Variants in DMD observed in about 807,000 individuals in gnomAD.
The protein encoded by DMD is dystrophin.
In DMD, 63 loss-of-function variants were observed where a neutral mutation model predicts 330.1. That is an observed-to-expected ratio of 0.19 (90% CI 0.16 to 0.24). The LOEUF is 0.24. Among genes scored for constraint, DMD ranks in the 10% least tolerant of loss-of-function variants. The pLI is 1.00. For missense variants in DMD, 3,344 were observed against 2,684.1 expected, an observed-to-expected ratio of 1.25 and a Z score of -5.43; for synonymous variants, 1,223 against 959.8, an observed-to-expected ratio of 1.27 and a Z score of -5.07.
At chrX:33,041,315 A>C in intron 1 of DMD, 1 of 1,074,198 alleles carries the variant, frequency 9.3e-7, no homozygotes, top group Non-Finnish European at 1.3e-6. Context: ...GACCAAGCCT[A>C]AATAGCTACC....
intron 7 of DMD, among the ~76,000 whole-genome samples, chrX:32,749,416 T>C (rs2070503159): frequency 8.9e-6 from 1 of 112,237 alleles, no homozygotes; most frequent in South Asian, 3.7e-4. Context: ...AATTCTTTCC[T>C]TTATGACTTT....
At chrX:32,483,940 G>T (rs1387626342) in intron 21 of DMD, among the ~76,000 whole-genome samples, 2 of 109,229 alleles carry the variant, frequency 1.8e-5, no homozygotes, top group Admixed American at 9.9e-5. Context: ...ATTAATTCTG[G>T]AAATGATATT....
chrX:31,222,073 G>A (rs1332193695), intron 64 of DMD, among the ~76,000 whole-genome samples: 2 of 110,927 alleles, frequency 1.8e-5, no homozygotes, highest in Non-Finnish European at 3.8e-5. Context: ...GTGGGTGCCT[G>A]TAGTCCCAGC....
intron 1 of DMD, among the ~76,000 whole-genome samples, chrX:33,234,088 A>G (rs2052435446): frequency 8.9e-6 from 1 of 111,852 alleles, no homozygotes. Context: ...GCTTCCTGTC[A>G]TTGCTCTATA....
chrX:32,463,315 T>C, intron 25 of DMD, 124 bp downstream of exon 25: 19 of 547,086 alleles, frequency 3.5e-5, no homozygotes, highest in Non-Finnish European at 5.2e-5. Flanking sequence ...TTGTCAGAAT[T>C]AATTGTGCTT....
intron 42 of DMD, among the ~76,000 whole-genome samples, chrX:32,297,630 C>T (rs745953066): frequency 1.8e-5 from 2 of 111,360 alleles, no homozygotes; most frequent in Admixed American, 9.6e-5. Context: ...GCAAAAGCCC[C>T]GCTCTCTGGA....
chrX:32,361,449 T>C (rs2097834043), intron 37 of DMD, among the ~76,000 whole-genome samples: 1 of 111,772 alleles, frequency 8.9e-6, no homozygotes, highest in East Asian at 2.8e-4. Flanking sequence ...ATAAGGTCTC[T>C]ATGTATGGAG....
At chrX:31,772,467 C>T (rs2090398476) in intron 51 of DMD, among the ~76,000 whole-genome samples, 1 of 111,902 alleles carries the variant, frequency 8.9e-6, no homozygotes, top group Admixed American at 9.5e-5. Flanking sequence ...TGTAAAAGAA[C>T]GTACCTCTTG....
intron 45 of DMD, among the ~76,000 whole-genome samples, chrX:31,934,965 TG>T (rs894002189): frequency 4.3e-4 from 48 of 112,148 alleles, no homozygotes; most frequent in African/African-American, 1.6e-3. Context: ...CAAAGCCTTT[TG>T]TTGATTTCTT....
At chrX:32,570,381 C>T (rs1603636645) in intron 15 of DMD, among the ~76,000 whole-genome samples, 1 of 101,960 alleles carries the variant, frequency 9.8e-6, no homozygotes, top group African/African-American at 3.8e-5. Context: ...AATGACAAGA[C>T]CTATAGAAAA....
chrX:32,125,166 T>C (rs1439622186), intron 44 of DMD, among the ~76,000 whole-genome samples: 1 of 110,949 alleles, frequency 9.0e-6, no homozygotes, highest in African/African-American at 3.3e-5. Context: ...TCACACTATC[T>C]GTAGGCAGAA....
intron 59 of DMD, among the ~76,000 whole-genome samples, chrX:31,450,128 G>A (rs1195514592): frequency 1.8e-5 from 2 of 111,123 alleles, no homozygotes; most frequent in African/African-American, 3.3e-5. Context: ...AAAAAGAGGA[G>A]GTGCTAGGAA....
chrX:32,309,947 T>C, intron 42 of DMD, 135 bp downstream of exon 42: 1 of 551,336 alleles, frequency 1.8e-6, no homozygotes, highest in Non-Finnish European at 3.0e-6. Flanking sequence ...AACCACACTA[T>C]CAAGTATTTT....
rs1305218715 is a variant in DMD, at chrX:32,554,931, AAGAAAGAAAGAGAG to A, written c.1993-9611_1993-9598del. Among the ~76,000 whole-genome samples, 44 of 28,969 alleles carry A rather than the reference AAGAAAGAAAGAGAG, an allele frequency of 1.5e-3. 2 individuals are homozygous for A. The highest frequency in any genetic ancestry group is 0.014 in the Middle Eastern group (1 of 73). 25.2% of individuals were successfully genotyped at this position (28,969 alleles called of 115,157 possible). A position where few individuals can be genotyped will look rare whatever the true frequency, so the allele number is the denominator to read the frequency against. ...AAAGAAAGAAAGAAAGAAAGAAAGA[AAGAAAGAAAGAGAG>A]AGAGAGGGAGAGAGAAAGAAAGAGA... On this transcript the variant is annotated intron_variant, in intron 16 of 78. Coordinates refer to ENST00000357033, the MANE Select transcript of DMD (RefSeq NM_004006.3).
chrX:32,292,909 T>A (rs1295662508), intron 42 of DMD, among the ~76,000 whole-genome samples: 2 of 112,311 alleles, frequency 1.8e-5, no homozygotes, highest in African/African-American at 6.5e-5. Context: ...AAAAAGCAAC[T>A]GTGTTCTCGT....
intron 11 of DMD, among the ~76,000 whole-genome samples, chrX:32,624,801 C>T (rs1170909823): frequency 8.9e-6 from 1 of 112,064 alleles, no homozygotes; most frequent in Non-Finnish European, 1.9e-5. Flanking sequence ...ATCCCACCCC[C>T]GGACATGAAA....
intron 44 of DMD, among the ~76,000 whole-genome samples, chrX:32,074,137 T>C (rs1452583233): frequency 1.8e-5 from 2 of 111,275 alleles, no homozygotes; most frequent in African/African-American, 6.5e-5. Flanking sequence ...AAAGCTATAG[T>C]TCTAAATGCT....
intron 7 of DMD, among the ~76,000 whole-genome samples, chrX:32,716,855 C>A (rs2065787454): frequency 1.8e-5 from 2 of 111,437 alleles, no homozygotes; most frequent in Admixed American, 1.9e-4. Context: ...GCATTGTGCC[C>A]CTGCTCTAGG....
chrX:32,287,699 A>T lies in DMD; in HGVS notation c.6120T>A (p.Asn2040Lys), dbSNP rs1409711434. 8.5e-7 allele frequency: 1 copy of T among 1,170,279 alleles called. No individual in the cohort carries two copies. Among genetic ancestry groups the T allele is most frequent in the African/African-American group, 1.8e-5 (1 of 55,609 alleles). ...DLFKQEESLK[N>K]IKDSLQQSSG... Reference sequence around the variant, plus strand: ...AGCTTTGTTGTAGACTATCTTTTATATTCTGTAATATAAAAATTTTAAAAC... The same window carrying T: ...AGCTTTGTTGTAGACTATCTTTTATTTTCTGTAATATAAAAATTTTAAAAC... Residue 2040 changes from asparagine to lysine, a missense_variant and splice_region_variant, in exon 43 of 79, where the codon AAT (asparagine) becomes AAA (lysine). Transcript: ENST00000357033.
Sources: allele counts gnomAD v4.1 joint callset (sites outside exome capture counted in the v4.1 genomes callset), GRCh38; gene constraint gnomAD v4.1.1; transcripts MANE v1.5; gene names NCBI Gene and HGNC (gene_info 2026-07-23, HGNC 2026-07-21).